The following NKAIN3 variants were observed in gnomAD, a reference collection of about 807,000 sequenced individuals.
NKAIN3 encodes the protein sodium/potassium transporting ATPase interacting 3.
In NKAIN3, 25 loss-of-function variants were observed where a neutral mutation model predicts 30.2. The observed-to-expected ratio is 0.83, with a 90% CI of 0.60 to 1.16. The LOEUF is 1.16. Ranked by LOEUF, NKAIN3 falls within the 50% of genes most tolerant of loss-of-function variation. The pLI is 0.00. For synonymous variants in NKAIN3, 91 were observed against 89.6 expected (o/e 1.02, Z -0.09); for missense variants, 225 against 254.1 (o/e 0.89, Z 0.78).
chr8:62,767,633 T>C (rs543539567), intron 4 of NKAIN3, among the ~76,000 whole-genome samples: 1 of 152,182 alleles, frequency 6.6e-6, no homozygotes, highest in Non-Finnish European at 1.5e-5. Flanking sequence ...TCTCTTAACT[T>C]CTGAGTATTT....
intron 1 of NKAIN3, among the ~76,000 whole-genome samples, chr8:62,358,955 G>A (rs1235251978): frequency 2.6e-5 from 4 of 152,200 alleles, no homozygotes; most frequent in Non-Finnish European, 5.9e-5. Flanking sequence ...GCCAAGGTGG[G>A]TGGATCACGA....
chr8:62,963,835 C>T (rs192894928), intron 6 of NKAIN3, among the ~76,000 whole-genome samples: 5 of 152,190 alleles, frequency 3.3e-5, no homozygotes, highest in African/African-American at 1.2e-4. Context: ...GAGTTCTAGG[C>T]GCTTGGGTGG....
intron 3 of NKAIN3, among the ~76,000 whole-genome samples, chr8:62,649,623 G>A (rs1006173283): frequency 2.0e-5 from 3 of 152,158 alleles, no homozygotes; most frequent in Non-Finnish European, 2.9e-5. Context: ...TCAGCTGAGC[G>A]GTGCTGGCAG....
chr8:62,891,032 C>G (rs1225706499), intron 4 of NKAIN3, among the ~76,000 whole-genome samples: 1 of 152,108 alleles, frequency 6.6e-6, no homozygotes, highest in Non-Finnish European at 1.5e-5. Context: ...GGCCAATGGG[C>G]AGAGGCAAGT....
At chr8:62,992,620 C>T (rs1824344549) in intron 5 of NKAIN3, among the ~76,000 whole-genome samples, 2 of 151,920 alleles carry the variant, frequency 1.3e-5, no homozygotes, top group South Asian at 2.1e-4. Flanking sequence ...CCCTTTTCTC[C>T]CCTTCCCTTG....
chr8:62,542,782 G>A (rs574759792), intron 1 of NKAIN3, among the ~76,000 whole-genome samples: 1 of 152,306 alleles, frequency 6.6e-6, no homozygotes, highest in South Asian at 2.1e-4. Flanking sequence ...CCTCCATGCA[G>A]TTAAATGTTC....
intron 4 of NKAIN3, among the ~76,000 whole-genome samples, chr8:62,802,044 T>C (rs1228581577): frequency 1.3e-5 from 2 of 151,888 alleles, no homozygotes; most frequent in African/African-American, 2.4e-5. Flanking sequence ...ATGATTGAAA[T>C]GAAGCGAGAA....
chr8:62,711,865 G>C (rs1814732652), intron 3 of NKAIN3, among the ~76,000 whole-genome samples: 1 of 152,174 alleles, frequency 6.6e-6, no homozygotes, highest in East Asian at 1.9e-4. Flanking sequence ...CATTTGGGTA[G>C]CCTCTGTAAG....
chr8:62,759,143 T>TC lies in NKAIN3; in HGVS notation c.471+12015dup, dbSNP rs1402725934. On this transcript the variant is annotated intron_variant, in intron 4 of 6. Coordinates refer to ENST00000623646, the MANE Select transcript of NKAIN3 (RefSeq NM_001304533.3). ...AACAATAACCACATCAAAATTATTG[T>TC]CTGAATTTTAGTTTTTTATATAAAT... Among the ~76,000 whole-genome samples, 7 of 152,306 alleles carry TC rather than the reference T, an allele frequency of 4.6e-5. No individual in the cohort carries two copies. The East Asian group carries it at 9.6e-4, about 21-fold the overall frequency.
In NKAIN3 at chr8:62,978,440, T is replaced by A. The variant is rs537239868; in HGVS notation, c.*13033T>A. ...AGAGAGGAGGAATCTAGAGAGGCAG[T>A]CTGGCTTCAGTGGCTTTGCAGCGCT... On this transcript the variant is annotated 3_prime_UTR_variant, in exon 7 of 7. Coordinates refer to ENST00000623646, the MANE Select transcript of NKAIN3 (RefSeq NM_001304533.3). 2 of 152,478 alleles carry A rather than the reference T, an allele frequency of 1.3e-5. No homozygotes were observed. Among genetic ancestry groups the A allele is most frequent in the South Asian group, 4.1e-4 (2 of 4,826 alleles). 9.4% of individuals were successfully genotyped at this position (152,478 alleles called of 1,614,324 possible). A position where few individuals can be genotyped will look rare whatever the true frequency, so the allele number is the denominator to read the frequency against.
chr8:62,966,990 C>A lies in NKAIN3; in HGVS notation c.*1583C>A, dbSNP rs1262561520. ...TTCATTCCTCCAAGCTCATCACAAC[C>A]ACAGTGAGCCATTTGGAGACCTAAT... On this transcript the variant is annotated 3_prime_UTR_variant, in exon 7 of 7. Coordinates refer to ENST00000623646, the MANE Select transcript of NKAIN3 (RefSeq NM_001304533.3). Among the ~76,000 whole-genome samples the A allele has an allele frequency of 6.6e-6, 1 of 152,198 alleles. No individual in the cohort carries two copies. The highest frequency in any genetic ancestry group is 1.5e-5 in the Non-Finnish European group (1 of 68,032).
chr8:62,889,987 A>G (rs984876921), intron 4 of NKAIN3, among the ~76,000 whole-genome samples: 1 of 152,226 alleles, frequency 6.6e-6, no homozygotes, highest in African/African-American at 2.4e-5. Context: ...GACAGAGAAA[A>G]TATATATTAA....
At chr8:62,807,995 T>A (rs903507275) in intron 4 of NKAIN3, among the ~76,000 whole-genome samples, 1 of 152,062 alleles carries the variant, frequency 6.6e-6, no homozygotes, top group African/African-American at 2.4e-5. Context: ...AGACATATAC[T>A]TGATTTTAAA....
At position 62,490,691 on chromosome 8, in the gene NKAIN3, A is replaced by G. The variant is rs570431858; in HGVS notation, c.55-88848A>G. Among the ~76,000 whole-genome samples the G allele has an allele frequency of 3.3e-5, 5 of 152,286 alleles. No individual in the cohort carries two copies. In the South Asian group the frequency reaches 8.3e-4, roughly 25 times the overall value. Reference sequence around the variant, plus strand: ...GTCTCATAAAGTGTAAGATTGATTCATGGGTACCAAATGATGGCCCAGCCC... The same window carrying G: ...GTCTCATAAAGTGTAAGATTGATTCGTGGGTACCAAATGATGGCCCAGCCC... On this transcript the variant is annotated intron_variant, in intron 1 of 6. Transcript: ENST00000623646.
At chr8:62,792,835 CAT>C (rs1817746627) in intron 4 of NKAIN3, among the ~76,000 whole-genome samples, 1 of 152,004 alleles carries the variant, frequency 6.6e-6, no homozygotes, top group Non-Finnish European at 1.5e-5. Flanking sequence ...TGTAAAACAA[CAT>C]AGTACATTCA....
At chr8:62,882,529 G>T (rs1454048007) in intron 4 of NKAIN3, among the ~76,000 whole-genome samples, 1 of 151,988 alleles carries the variant, frequency 6.6e-6, no homozygotes, top group Non-Finnish European at 1.5e-5. Flanking sequence ...TATTGGCCAG[G>T]CTGGTCTCGA....
intron 5 of NKAIN3, among the ~76,000 whole-genome samples, chr8:62,919,015 TA>T (rs140922512): frequency 0.026 from 3,938 of 150,800 alleles, 150 homozygotes; most frequent in African/African-American, 0.08. Flanking sequence ...TACGAGGTGC[TA>T]AAAAAAAGTT....
At chr8:62,759,019 A>G (rs557964063) in intron 4 of NKAIN3, among the ~76,000 whole-genome samples, 7 of 152,328 alleles carry the variant, frequency 4.6e-5, no homozygotes, top group East Asian at 3.9e-4. Flanking sequence ...CTCTAGTATT[A>G]TCAGTAAAGA....
intron 1 of NKAIN3, among the ~76,000 whole-genome samples, chr8:62,254,749 G>A (rs976320967): frequency 6.6e-6 from 1 of 152,082 alleles, no homozygotes; most frequent in African/African-American, 2.4e-5. Flanking sequence ...CATAAGCAGT[G>A]ATTTCCGTGG....
Sources: gnomAD v4.1 joint callset for allele counts (sites outside exome capture counted in the v4.1 genomes callset) on GRCh38, gnomAD v4.1.1 for gene constraint, MANE v1.5 for transcripts, NCBI Gene and HGNC (gene_info 2026-07-23, HGNC 2026-07-21) for gene names.